Variants in RASSF9 observed in about 807,000 individuals in gnomAD.
The protein encoded by RASSF9 is ras association domain-containing protein 9.
Under a neutral mutation model 21.4 loss-of-function variants are expected in RASSF9, and 18 were observed. The ratio of observed to expected loss-of-function variants is 0.84; its 90% CI spans 0.58 to 1.25. RASSF9 has a LOEUF of 1.25. RASSF9 is among the 50% of genes most tolerant of loss of function. RASSF9 has a pLI of 0.00. For missense variants in RASSF9, 480 were observed against 503.2 expected (o/e 0.95, Z 0.44); for synonymous variants, 183 against 179.1 (o/e 1.02, Z -0.18).
intron 1 of RASSF9, among the ~76,000 whole-genome samples, chr12:85,833,243 C>A (rs1341377724): frequency 6.6e-6 from 1 of 151,778 alleles, no homozygotes. Context: ...GCTGATGTCA[C>A]ATGATGAATA....
chr12:85,810,857 AG>A (rs1355728698), intron 1 of RASSF9, among the ~76,000 whole-genome samples: 1 of 151,940 alleles, frequency 6.6e-6, no homozygotes, highest in Non-Finnish European at 1.5e-5. Context: ...CTAATGCAAC[AG>A]GGGATTGCAT....
At chr12:85,816,261 A>G (rs1279772845) in intron 1 of RASSF9, among the ~76,000 whole-genome samples, 1 of 151,790 alleles carries the variant, frequency 6.6e-6, no homozygotes, top group East Asian at 1.9e-4. Context: ...CCATGACAAA[A>G]GTTTACCTAT....
intron 1 of RASSF9, 75 bp downstream of exon 1, chr12:85,836,080 A>G: frequency 1.3e-6 from 2 of 1,546,268 alleles, no homozygotes; most frequent in South Asian, 2.4e-5. Context: ...TTTCACAGGT[A>G]GGGTCCAGAG....
Position 85,836,394 on chromosome 12 carries a change from A to G in RASSF9, c.-193T>C. 7.9e-7 allele frequency: 1 copy of G among 1,272,766 alleles called. No individual in the cohort carries two copies. Among genetic ancestry groups the G allele is most frequent in the South Asian group, 1.5e-5 (1 of 66,270 alleles). The allele number at this position is 1,272,766 out of a possible 1,614,324, so 78.8% of individuals were successfully genotyped here. On this transcript the variant is annotated 5_prime_UTR_variant, in exon 1 of 2. Coordinates refer to ENST00000361228, the MANE Select transcript of RASSF9 (RefSeq NM_005447.4). ...TTGTGCAACTGCTGCTTAACTTTGA[A>G]CTGCGGGATTGTTGTGGCTGCTGCA...
At chr12:85,832,496 C>G (rs1880472537) in intron 1 of RASSF9, among the ~76,000 whole-genome samples, 1 of 151,774 alleles carries the variant, frequency 6.6e-6, no homozygotes, top group Non-Finnish European at 1.5e-5. Context: ...CCTTGAAAAC[C>G]TAATCTAATA....
At chr12:85,817,980 T>C (rs1005087533) in intron 1 of RASSF9, among the ~76,000 whole-genome samples, 1 of 152,168 alleles carries the variant, frequency 6.6e-6, no homozygotes, top group Non-Finnish European at 1.5e-5. Flanking sequence ...CAACCCTTTG[T>C]AGAAAGAGCT....
rs1455080371 is a variant in RASSF9, at chr12:85,801,583, C to T, written c.*3119G>A. The T allele has an allele frequency of 4.6e-5, 7 of 152,394 alleles. No homozygotes were observed. Among genetic ancestry groups the T allele is most frequent in the African/African-American group, 1.4e-4 (6 of 41,552 alleles). The allele number at this position is 152,394 out of a possible 1,614,324, so 9.4% of individuals were successfully genotyped here. ...ATCCCAGCACTTTGGGAGGCCAAGA[C>T]GGGTGGATCACAAGGTCAGGACATC... On this transcript the variant is annotated 3_prime_UTR_variant, in exon 2 of 2. Coordinates refer to ENST00000361228, the MANE Select transcript of RASSF9 (RefSeq NM_005447.4).
intron 1 of RASSF9, among the ~76,000 whole-genome samples, chr12:85,826,898 C>T (rs1388807576): frequency 6.6e-6 from 1 of 152,086 alleles, no homozygotes; most frequent in Non-Finnish European, 1.5e-5. Flanking sequence ...TCTGTTTGGC[C>T]ATTCACAAAC....
intron 1 of RASSF9, among the ~76,000 whole-genome samples, chr12:85,822,989 A>G (rs903281875): frequency 5.3e-5 from 8 of 152,118 alleles, no homozygotes; most frequent in Non-Finnish European, 4.4e-5. Flanking sequence ...TCACGAGGTC[A>G]GGAGATCGAG....
At chr12:85,827,747 C>G (rs1880363565) in intron 1 of RASSF9, among the ~76,000 whole-genome samples, 1 of 152,176 alleles carries the variant, frequency 6.6e-6, no homozygotes, top group Non-Finnish European at 1.5e-5. Flanking sequence ...GCCTGACATG[C>G]CTGATTTCTT....
At chr12:85,815,616 T>C (rs181312734) in intron 1 of RASSF9, among the ~76,000 whole-genome samples, 1 of 152,284 alleles carries the variant, frequency 6.6e-6, no homozygotes, top group Non-Finnish European at 1.5e-5. Context: ...ATTTCTGGTT[T>C]TTTTAATAAT....
intron 1 of RASSF9, among the ~76,000 whole-genome samples, chr12:85,823,144 G>A (rs1880253336): frequency 6.7e-6 from 1 of 149,374 alleles, no homozygotes; most frequent in Admixed American, 6.7e-5. Flanking sequence ...AGCTTGCAGT[G>A]AGCTGAGATC....
At chr12:85,820,880 T>C (rs1051059070) in intron 1 of RASSF9, among the ~76,000 whole-genome samples, 34 of 152,254 alleles carry the variant, frequency 2.2e-4, no homozygotes, top group African/African-American at 8.2e-4. Context: ...GCGCGGTGGC[T>C]CATGCCTATA....
At chr12:85,822,251 C>A (rs931708199) in intron 1 of RASSF9, among the ~76,000 whole-genome samples, 2 of 151,870 alleles carry the variant, frequency 1.3e-5, no homozygotes, top group Non-Finnish European at 2.9e-5. Context: ...CCTGCAACCA[C>A]CTGCTCTTCC....
chr12:85,819,560 G>T (rs1257862799), intron 1 of RASSF9, among the ~76,000 whole-genome samples: 1 of 152,062 alleles, frequency 6.6e-6, no homozygotes, highest in Non-Finnish European at 1.5e-5. Context: ...AACCAATGAG[G>T]ATGTACTAAA....
At chr12:85,822,431 G>T (rs560762937) in intron 1 of RASSF9, among the ~76,000 whole-genome samples, 10 of 152,200 alleles carry the variant, frequency 6.6e-5, no homozygotes, top group African/African-American at 2.4e-4. Context: ...ACTTCCAGTT[G>T]GAAGCTTCAT....
intron 1 of RASSF9, among the ~76,000 whole-genome samples, chr12:85,831,077 A>G (rs1163365978): frequency 6.6e-6 from 1 of 152,038 alleles, no homozygotes; most frequent in African/African-American, 2.4e-5. Flanking sequence ...GATATGTAAG[A>G]GGCAAAGAGA....
intron 1 of RASSF9, among the ~76,000 whole-genome samples, chr12:85,827,018 C>T (rs1458917424): frequency 6.6e-6 from 1 of 152,042 alleles, no homozygotes; most frequent in Non-Finnish European, 1.5e-5. Context: ...CATTTAGATT[C>T]TAGTATAGAC....
intron 1 of RASSF9, among the ~76,000 whole-genome samples, chr12:85,807,787 A>G (rs1185322820): frequency 6.6e-6 from 1 of 152,174 alleles, no homozygotes; most frequent in Non-Finnish European, 1.5e-5. Flanking sequence ...AAAGAAGCAA[A>G]AATTCCATGA....
Sources: gnomAD v4.1 joint callset for allele counts (sites outside exome capture counted in the v4.1 genomes callset) on GRCh38, gnomAD v4.1.1 for gene constraint, MANE v1.5 for transcripts, NCBI Gene and HGNC (gene_info 2026-07-23, HGNC 2026-07-21) for gene names.